ZFP64: variants seen among roughly 807,000 people sequenced by gnomAD.
ZFP64 encodes zinc finger protein 64.
Under a neutral mutation model 51.6 loss-of-function variants are expected in ZFP64, and 14 were observed. That is an observed-to-expected ratio of 0.27 (90% CI 0.18 to 0.42). The LOEUF is 0.42. ZFP64 is among the 10% of genes least tolerant of loss of function. The pLI, the probability that ZFP64 is intolerant of heterozygous loss-of-function variation, is 1.00. For synonymous variants in ZFP64, 375 were observed against 361.4 expected (o/e 1.04, Z -0.43); for missense variants, 754 against 906.8 (o/e 0.83, Z 2.16).
At chr20:52,145,060 G>A (rs539117140) in intron 5 of ZFP64, among the ~76,000 whole-genome samples, 5 of 152,210 alleles carry the variant, frequency 3.3e-5, no homozygotes, top group South Asian at 4.1e-4. Flanking sequence ...TCAGGTCACC[G>A]AAAAAGAAGA....
At chr20:52,129,155 C>T (rs1025750032) in intron 5 of ZFP64, among the ~76,000 whole-genome samples, 3 of 151,494 alleles carry the variant, frequency 2.0e-5, no homozygotes, top group African/African-American at 7.3e-5. Flanking sequence ...GATCTCGGCT[C>T]ACTGCAAGCT....
At chr20:52,140,828 C>T (rs1406208144) in intron 5 of ZFP64, among the ~76,000 whole-genome samples, 1 of 152,096 alleles carries the variant, frequency 6.6e-6, no homozygotes, top group Non-Finnish European at 1.5e-5. Context: ...CTAGGATGTT[C>T]ATAGCTAGAG....
intron 5 of ZFP64, among the ~76,000 whole-genome samples, chr20:52,158,015 C>T (rs1192231289): frequency 6.6e-6 from 1 of 152,188 alleles, no homozygotes; most frequent in African/African-American, 2.4e-5. Flanking sequence ...TTTTTTATGG[C>T]TGCACAGTAT....
intron 5 of ZFP64, among the ~76,000 whole-genome samples, chr20:52,111,451 G>T (rs1600717625): frequency 1.3e-5 from 2 of 152,000 alleles, no homozygotes; most frequent in Middle Eastern, 6.8e-3. Flanking sequence ...CCAACCTCAG[G>T]TGATCTGCCT....
chr20:52,102,325 T>C (rs1157988252), intron 5 of ZFP64, among the ~76,000 whole-genome samples: 2 of 152,124 alleles, frequency 1.3e-5, no homozygotes, highest in Non-Finnish European at 2.9e-5. Context: ...TTGGAGTTCC[T>C]GATTGAGTAG....
chr20:52,151,938 G>A lies in ZFP64; in HGVS notation c.*208C>T. On this transcript the variant is annotated 3_prime_UTR_variant, in exon 6 of 6. Transcript: ENST00000216923. ...TGTGGTCCCAGCTACTCGGAGGGCTGAGGCATGAGAATCGCTTGAACCTGG... is the reference window on the plus strand; with the variant it reads ...TGTGGTCCCAGCTACTCGGAGGGCTAAGGCATGAGAATCGCTTGAACCTGG... The A allele has an allele frequency of 8.5e-7, 1 of 1,179,784 alleles. No individual in the cohort carries two copies. 73.1% of individuals were successfully genotyped at this position (1,179,784 alleles called of 1,614,324 possible).
rs545931092 is a variant in ZFP64 at position 52,174,296 on chromosome 20, G to A, written c.287-8271C>T. 1.1e-4 allele frequency among the ~76,000 whole-genome samples: 16 copies of A among 151,440 alleles called. No homozygotes were observed. In the South Asian group the frequency reaches 3.3e-3, roughly 31 times the overall value. The stretch of plus-strand genomic sequence containing the variant: ...AGGTCGGGAGTTCGAGACCAGCCTG[G>A]CCAACATGGCAAAACTTTGTCTCTA... On this transcript the variant is annotated intron_variant, in intron 2 of 5. Transcript: ENST00000216923.
At chr20:52,119,182 G>T (rs1979032232) in intron 5 of ZFP64, among the ~76,000 whole-genome samples, 1 of 151,796 alleles carries the variant, frequency 6.6e-6, no homozygotes, top group Non-Finnish European at 1.5e-5. Flanking sequence ...AAAAAGAAGT[G>T]AGTTGAAGTG....
chr20:52,189,143 T>C lies in ZFP64; in HGVS notation c.47-2072A>G, dbSNP rs182553320. Among the ~76,000 whole-genome samples, 27 of 152,274 alleles carry C rather than the reference T, an allele frequency of 1.8e-4. No homozygotes were observed. In the East Asian group the frequency reaches 3.5e-3, roughly 20 times the overall value. On this transcript the variant is annotated intron_variant, in intron 1 of 5. Transcript: ENST00000216923. ...AAAGTTGCGTAAGATGGCTCACGCCTGTAACCCAGCACTTTGGGAAGCCGA... is the reference window on the plus strand; with the variant it reads ...AAAGTTGCGTAAGATGGCTCACGCCCGTAACCCAGCACTTTGGGAAGCCGA...
chr20:52,179,177 C>T (rs553906095), intron 2 of ZFP64, among the ~76,000 whole-genome samples: 1 of 152,274 alleles, frequency 6.6e-6, no homozygotes, highest in South Asian at 2.1e-4. Flanking sequence ...GGTGTCCCTG[C>T]ACAAGCTCTT....
chr20:52,111,304 G>C (rs143481833), intron 5 of ZFP64, among the ~76,000 whole-genome samples: 31,098 of 147,220 alleles, frequency 0.21, 3,579 homozygotes, highest in Admixed American at 0.29. Flanking sequence ...GCAACCTCCA[G>C]CTCCCGGGTT....
intron 5 of ZFP64, chr20:52,098,636 G>A (rs776202160): frequency 4.3e-6 from 7 of 1,611,080 alleles, no homozygotes; most frequent in East Asian, 2.2e-5. Context: ...TAACCACCAT[G>A]CTAAGTCTTA....
chr20:52,162,320 A>G (rs1981878968), intron 4 of ZFP64, among the ~76,000 whole-genome samples: 1 of 150,664 alleles, frequency 6.6e-6, no homozygotes, highest in Non-Finnish European at 1.5e-5. Context: ...AAAAATTAGC[A>G]TTTTTATTAT....
At chr20:52,156,663 A>C (rs1176545013) in intron 5 of ZFP64, among the ~76,000 whole-genome samples, 1 of 152,244 alleles carries the variant, frequency 6.6e-6, no homozygotes, top group Non-Finnish European at 1.5e-5. Flanking sequence ...CAGACAATGG[A>C]TACAGATATT....
intron 7 of ZFP64, among the ~76,000 whole-genome samples, chr20:52,092,426 A>G (rs971880705): frequency 1.3e-5 from 2 of 152,256 alleles, no homozygotes; most frequent in East Asian, 3.8e-4. Context: ...TTGGAAAAGC[A>G]GAAGGGGACT....
chr20:52,128,902 G>A (rs916316593), intron 5 of ZFP64, among the ~76,000 whole-genome samples: 2 of 147,958 alleles, frequency 1.4e-5, no homozygotes, highest in South Asian at 2.1e-4. Flanking sequence ...AAGGAGCTCC[G>A]ACCTTTTTTT....
rs1343017744 is a variant in ZFP64, at chr20:52,153,206, G to A, written c.986C>T (p.Thr329Ile). Reference protein sequence around the residue: ...HCDFLGDSKATLRKHSRVHQS... With the variant: ...HCDFLGDSKAILRKHSRVHQS... ...GTGCACGCGGCTGTGCTTCCGGAGG[G>A]TGGCTTTGCTGTCACCCAGGAAGTC... The change falls in exon 6 of 6, where the codon ACC (threonine) becomes ATC (isoleucine). Residue 329 changes from threonine to isoleucine, a missense_variant. Physicochemically the swap from Thr to Ile is moderately conservative, Grantham distance 89. This residue lies in a region of ZFP64 where 231 missense variants were observed against 336.7 expected (regional missense o/e 0.69). Coordinates refer to ENST00000216923, the MANE Select transcript of ZFP64 (RefSeq NM_018197.3). This position sits in a 1 kb window ranked among gnomAD's most constrained non-coding sequence, Gnocchi z 5.1. The A allele has an allele frequency of 1.2e-6, 2 of 1,614,214 alleles. No homozygotes were observed. The highest frequency in any genetic ancestry group is 1.1e-5 in the South Asian group (1 of 91,090).
chr20:52,154,938 G>C (rs1270344849), intron 5 of ZFP64, among the ~76,000 whole-genome samples: 1 of 152,172 alleles, frequency 6.6e-6, no homozygotes, highest in Non-Finnish European at 1.5e-5. Flanking sequence ...TGCTGCCTGA[G>C]AATGTTGTTC....
intron 7 of ZFP64, among the ~76,000 whole-genome samples, chr20:52,096,476 G>A (rs537850444): frequency 2.0e-5 from 3 of 152,358 alleles, no homozygotes; most frequent in Non-Finnish European, 4.4e-5. Context: ...ACTGGATTAC[G>A]TTTAAGCCAC....
Sources: gnomAD v4.1 joint callset for allele counts (sites outside exome capture counted in the v4.1 genomes callset) on GRCh38, gnomAD v4.1.1 for gene constraint, gnomAD v4.1.1 regional missense constraint, Gnocchi (gnomAD v3.1) non-coding constraint, MANE v1.5 for transcripts, NCBI Gene and HGNC (gene_info 2026-07-23, HGNC 2026-07-21) for gene names.